The following UBR2 variants were observed in gnomAD, a reference collection of about 807,000 sequenced individuals.
The protein encoded by UBR2 is E3 ubiquitin-protein ligase UBR2.
Under a neutral mutation model 247.9 loss-of-function variants are expected in UBR2, and 92 were observed. The observed-to-expected ratio is 0.37, with a 90% CI of 0.31 to 0.44. The LOEUF is 0.44. UBR2 is among the 20% of genes least tolerant of loss of function. UBR2 has a pLI of 1.00. For missense variants in UBR2, 1,613 were observed against 2,112.6 expected (o/e 0.76, Z 4.64); for synonymous variants, 672 against 693.5 (o/e 0.97, Z 0.49).
intron 45 of UBR2, among the ~76,000 whole-genome samples, 164 bp downstream of exon 45, chr6:42,688,550 C>T (rs1799576150): frequency 6.6e-6 from 1 of 152,170 alleles, no homozygotes; most frequent in Admixed American, 6.5e-5. Context: ...ACATCTGGTC[C>T]ATGCCAACTC....
chr6:42,659,855 G>A lies in UBR2; in HGVS notation c.3442G>A (p.Glu1148Lys), dbSNP rs2151974115. Reference sequence around the variant, plus strand: ...CAGAAGTAAATTTATTCAAGATCCAGGTAAGTCATAGCTAGATCCTCATCT... The same window carrying A: ...CAGAAGTAAATTTATTCAAGATCCAAGTAAGTCATAGCTAGATCCTCATCT... Reference protein sequence around the residue: ...KNRSKFIQDPEKYDPLFMHPD... With the variant: ...KNRSKFIQDPKKYDPLFMHPD... Residue 1148 changes from glutamate (E) to lysine (K), a missense_variant and splice_region_variant, in exon 30 of 47, where the codon GAA (glutamate) becomes AAA (lysine). By Grantham distance (56) the Glu-to-Lys change is moderately conservative. Coordinates refer to ENST00000372901, the MANE Select transcript of UBR2 (RefSeq NM_001363705.2). This position sits in a 1 kb window ranked among gnomAD's most constrained non-coding sequence, Gnocchi z 4.3. 6.2e-7 allele frequency: 1 copy of A among 1,613,736 alleles called. No homozygotes were observed. Among genetic ancestry groups the A allele is most frequent in the South Asian group, 1.1e-5 (1 of 91,064 alleles).
rs70990117 is a variant in UBR2 at position 42,633,718 on chromosome 6, TTTTTGTTTTGTTTTG to T, written c.1545+828_1545+842del. Among the ~76,000 whole-genome samples the T allele has an allele frequency of 2.0e-5, 3 of 148,772 alleles. No homozygotes were observed. In the East Asian group the frequency reaches 6.1e-4, roughly 30 times the overall value. On this transcript the variant is annotated intron_variant, in intron 13 of 46. Coordinates refer to ENST00000372901, the MANE Select transcript of UBR2 (RefSeq NM_001363705.2). ...TTTTTGGGGTTGTTTTTTTGTTTGT[TTTTTGTTTTGTTTTG>T]TTTTGTTTTGTTTGAGACATAGTTT... is the stretch of plus-strand genomic sequence containing the variant.
intron 13 of UBR2, 25 bp downstream of exon 13, chr6:42,632,929 C>CT: frequency 9.0e-6 from 6 of 667,092 alleles, no homozygotes; most frequent in Non-Finnish European, 1.1e-5. Flanking sequence ...TTACACTTTT[C>CT]TTTTTCCTTT....
At chr6:42,657,161 G>C (rs944595331) in intron 26 of UBR2, among the ~76,000 whole-genome samples, 4 of 151,134 alleles carry the variant, frequency 2.6e-5, no homozygotes, top group Non-Finnish European at 5.9e-5. Context: ...CTTGAACCCA[G>C]GAGGTGGAGG....
chr6:42,606,582 T>G lies in UBR2; in HGVS notation c.802-7T>G, dbSNP rs760808627. 3 of 1,609,040 alleles carry G rather than the reference T, an allele frequency of 1.9e-6. No individual in the cohort carries two copies. The East Asian group carries it at 6.7e-5, about 36-fold the overall frequency. On this transcript the variant is annotated splice_region_variant and splice_polypyrimidine_tract_variant and intron_variant, in intron 6 of 46. Coordinates refer to ENST00000372901, the MANE Select transcript of UBR2 (RefSeq NM_001363705.2). ...CTTTTACAGCTTAATTTTAAATATCTTTACAGGGGCGTAGGTCTGTTCGAT... is the reference window on the plus strand; with the variant it reads ...CTTTTACAGCTTAATTTTAAATATCGTTACAGGGGCGTAGGTCTGTTCGAT...
rs12332826 is a variant in UBR2 at position 42,617,618 on chromosome 6, G to A, written c.1281+111G>A. 3,137 of 980,358 alleles carry A rather than the reference G, an allele frequency of 3.2e-3. 73 individuals are homozygous for A. In the African/African-American group the frequency reaches 0.044, roughly 14 times the overall value. 60.7% of individuals were successfully genotyped at this position (980,358 alleles called of 1,614,324 possible). ...TGAAAAGAATAGTATTTTATTAATGGGTAATCAGACTTCAAACACCTTCAC... is the reference window on the plus strand; with the variant it reads ...TGAAAAGAATAGTATTTTATTAATGAGTAATCAGACTTCAAACACCTTCAC... On this transcript the variant is annotated intron_variant, in intron 11 of 46. Transcript: ENST00000372901.
chr6:42,687,722 G>A (rs1799526040), intron 44 of UBR2, among the ~76,000 whole-genome samples: 2 of 151,912 alleles, frequency 1.3e-5, no homozygotes, highest in Admixed American at 6.6e-5. Context: ...TGTATTTTTA[G>A]TAGAGACGGG....
At chr6:42,594,052 C>T in intron 3 of UBR2, 139 bp from the exon 4 acceptor site, 1 of 539,604 alleles carries the variant, frequency 1.9e-6, no homozygotes, top group Non-Finnish European at 3.2e-6. Context: ...AGAGGTTTGG[C>T]ATTTTATCTA....
intron 34 of UBR2, among the ~76,000 whole-genome samples, chr6:42,669,530 T>C (rs1323289247): frequency 6.6e-6 from 1 of 152,230 alleles, no homozygotes; most frequent in Non-Finnish European, 1.5e-5. Flanking sequence ...CTGTTTTCCC[T>C]GAGTTCTGTT....
At chr6:42,666,267 T>A in intron 34 of UBR2, 22 bp downstream of exon 34, 3 of 1,570,112 alleles carry the variant, frequency 1.9e-6, no homozygotes, top group Non-Finnish European at 2.6e-6. Flanking sequence ...ATTTTACTCC[T>A]TTAATATTTG....
chr6:42,574,378 A>G (rs1407500576), intron 2 of UBR2, among the ~76,000 whole-genome samples: 1 of 152,180 alleles, frequency 6.6e-6, no homozygotes, highest in African/African-American at 2.4e-5. Flanking sequence ...ACATGCCTTC[A>G]TTAGTTTGTG....
intron 11 of UBR2, among the ~76,000 whole-genome samples, chr6:42,618,251 G>A (rs79347074): frequency 0.013 from 1,981 of 152,240 alleles, 46 homozygotes; most frequent in African/African-American, 0.043. Context: ...TCTAAGAAAG[G>A]TGCCTTTATG....
chr6:42,616,912 G>A (rs1403316621), intron 10 of UBR2, among the ~76,000 whole-genome samples: 1 of 152,182 alleles, frequency 6.6e-6, no homozygotes, highest in African/African-American at 2.4e-5. Context: ...AGTAATGAAA[G>A]TCTGATTTCA....
At chr6:42,624,634 T>C (rs1232792564) in intron 11 of UBR2, among the ~76,000 whole-genome samples, 1 of 151,978 alleles carries the variant, frequency 6.6e-6, no homozygotes, top group African/African-American at 2.4e-5. Flanking sequence ...GGTTTTCAAG[T>C]ATAATTTGGT....
Position 42,620,827 on chromosome 6 carries a change from C to T in UBR2, c.1281+3320C>T, listed in dbSNP as rs141901579. The stretch of plus-strand genomic sequence containing the variant: ...TTTGTTTGTTTGTTTGTTTTTTAGA[C>T]GGAGTCTCGCTCTGTCACCCAGGCT... On this transcript the variant is annotated intron_variant, in intron 11 of 46. Coordinates refer to ENST00000372901, the MANE Select transcript of UBR2 (RefSeq NM_001363705.2). Among the ~76,000 whole-genome samples, 313 of 150,558 alleles carry T rather than the reference C, an allele frequency of 2.1e-3. 1 individual carries two copies. Among genetic ancestry groups the T allele is most frequent in the African/African-American group, 7.4e-3 (301 of 40,654 alleles).
intron 1 of UBR2, among the ~76,000 whole-genome samples, chr6:42,568,086 GT>G (rs1351054779): frequency 2.6e-5 from 4 of 152,066 alleles, no homozygotes; most frequent in African/African-American, 9.7e-5. Context: ...AATTTGTTAA[GT>G]TTTATGTAGA....
chr6:42,659,708 G>A lies in UBR2; in HGVS notation c.3295G>A (p.Val1099Ile), dbSNP rs778282696. The A allele has an allele frequency of 9.9e-6, 16 of 1,613,936 alleles. No homozygotes were observed. The highest frequency in any genetic ancestry group is 1.4e-5 in the Non-Finnish European group (16 of 1,180,014). Residue 1099 changes from valine (V) to isoleucine (I), a missense_variant, in exon 30 of 47, where the codon GTT becomes ATT. By Grantham distance (29) the Val-to-Ile change is conservative. Coordinates refer to ENST00000372901, the MANE Select transcript of UBR2 (RefSeq NM_001363705.2). The surrounding 1 kb of genome is among the most constrained non-coding windows in gnomAD (Gnocchi z 4.3). ...LTALGPAQTQ[V>I]PEQRQFVTCI... Reference sequence around the variant, plus strand: ...AGCACTGGGCCCCGCACAAACTCAGGTTCCTGAACAAAGACAATTCGTTAC... The same window carrying A: ...AGCACTGGGCCCCGCACAAACTCAGATTCCTGAACAAAGACAATTCGTTAC...
intron 25 of UBR2, among the ~76,000 whole-genome samples, chr6:42,653,754 T>C (rs575686679): frequency 6.6e-6 from 1 of 151,730 alleles, no homozygotes; most frequent in African/African-American, 2.4e-5. Context: ...TAGTTGGGAG[T>C]ACAGGTGCCT....
At chr6:42,661,195 G>T (rs781284507) in intron 30 of UBR2, among the ~76,000 whole-genome samples, 3 of 151,766 alleles carry the variant, frequency 2.0e-5, no homozygotes, top group African/African-American at 7.3e-5. Flanking sequence ...GGCTGAGGCA[G>T]GAGAATGGCG....
Sources: allele counts gnomAD v4.1 joint callset (sites outside exome capture counted in the v4.1 genomes callset), GRCh38; gene constraint gnomAD v4.1.1; non-coding constraint Gnocchi (gnomAD v3.1); transcripts MANE v1.5; gene names NCBI Gene and HGNC (gene_info 2026-07-23, HGNC 2026-07-21).